NDOR1: variants seen among roughly 807,000 people sequenced by gnomAD.
NDOR1 encodes NADPH dependent diflavin oxidoreductase 1.
NDOR1 carries 61 observed loss-of-function variants against 67.2 expected under a neutral mutation model. The ratio of observed to expected loss-of-function variants is 0.91; its 90% confidence interval spans 0.74 to 1.12. The LOEUF (loss-of-function observed/expected upper bound fraction) is 1.12, where lower values mean the gene tolerates loss of function less well. Ranked by LOEUF, NDOR1 falls within the 50% of genes most tolerant of loss-of-function variation. The pLI is 0.00. For missense variants in NDOR1, 878 were observed against 802.8 expected (o/e 1.09, Z -1.13); for synonymous variants, 378 against 343.7 (o/e 1.10, Z -1.10).
Position 137,214,056 on chromosome 9 carries a change from C to T in NDOR1, c.500C>T (p.Pro167Leu), listed in dbSNP as rs1225894038. ...YPPPPGLTEIPPGVPLPSKFT... is the reference protein window; with the variant it reads ...YPPPPGLTEILPGVPLPSKFT... ...CCGCCTCCGGGCCTCACTGAGATCC[C>T]TCCCGGAGTCCCGTGAGTGTGGGCC... Residue 167 changes from proline (P) to leucine (L), a missense_variant, in exon 5 of 14, where the codon CCT (proline) becomes CTT (leucine). Pro to Leu is a moderately conservative substitution (Grantham distance 98, BLOSUM62 -3). Coordinates refer to ENST00000684003, the MANE Select transcript of NDOR1 (RefSeq NM_014434.4). The T allele has an allele frequency of 7.8e-6, 12 of 1,541,252 alleles. No homozygotes were observed. Among genetic ancestry groups the T allele is most frequent in the South Asian group, 1.2e-5 (1 of 84,224 alleles).
rs141644208 is a variant in NDOR1 at position 137,214,254 on chromosome 9, G to T, written c.563G>T (p.Gly188Val). Residue 188 changes from glycine (G) to valine (V), a missense_variant, in exon 6 of 14, where the codon GGC becomes GTC. Coordinates refer to ENST00000684003, the MANE Select transcript of NDOR1 (RefSeq NM_014434.4). ...TTCCTCCAAGAGGCACCCAGCACGG[G>T]CTCTGAGGGGCAGCGGGTAGCTCAC... ...LLFLQEAPST[G>V]SEGQRVAHPG... The T allele has an allele frequency of 5.9e-5, 95 of 1,613,236 alleles. No individual in the cohort carries two copies. The highest frequency in any genetic ancestry group is 3.0e-4 in the South Asian group (27 of 91,092).
chr9:137,213,864 C>G lies in NDOR1; in HGVS notation c.396C>G (p.Asp132Glu). 1 of 1,610,676 alleles carries G rather than the reference C, an allele frequency of 6.2e-7. No individual in the cohort carries two copies. Among genetic ancestry groups the G allele is most frequent in the Non-Finnish European group, 8.5e-7 (1 of 1,179,056 alleles). ...TCCTGCCCGTGTGCCTGGGCGATGA[C>G]CAGCATGAGCTGGGGTGAGTCTGCG... Reference protein sequence around the residue: ...SALLPVCLGDDQHELGPDAAV... With the variant: ...SALLPVCLGDEQHELGPDAAV... The change falls in exon 4 of 14, where the codon GAC becomes GAG. Residue 132 changes from aspartate (D) to glutamate (E), a missense_variant. Asp to Glu is a conservative substitution (Grantham distance 45). Coordinates refer to ENST00000684003, the MANE Select transcript of NDOR1 (RefSeq NM_014434.4).
Position 137,212,628 on chromosome 9 carries a change from C to G in NDOR1, c.311+29C>G. 1 of 1,586,458 alleles carries G rather than the reference C, an allele frequency of 6.3e-7. No homozygotes were observed. Among genetic ancestry groups the G allele is most frequent in the South Asian group, 1.1e-5 (1 of 90,532 alleles). Reference sequence around the variant, plus strand: ...AGTAGGGGATGGGACAGTGGGCGGACGGAACAGTTCTGGGGGTCGAGCAAC... The same window carrying G: ...AGTAGGGGATGGGACAGTGGGCGGAGGGAACAGTTCTGGGGGTCGAGCAAC... On this transcript the variant is annotated intron_variant, in intron 3 of 13. Transcript: ENST00000684003. This position sits in a 1 kb window ranked among gnomAD's most constrained non-coding sequence, Gnocchi z 4.3.
At position 137,214,661 on chromosome 9, in the gene NDOR1, C is replaced by A. The variant is rs772292364; in HGVS notation, c.814C>A (p.Gln272Lys). ...FCQVLGLDPDQLFMLQPREPD... is the reference protein window; with the variant it reads ...FCQVLGLDPDKLFMLQPREPD... Reference sequence around the variant, plus strand: ...CCAGGTGCTGGGCCTGGACCCTGACCAGCTCTTCATGCTGCAGCCGCGGGA... The same window carrying A: ...CCAGGTGCTGGGCCTGGACCCTGACAAGCTCTTCATGCTGCAGCCGCGGGA... Residue 272 changes from glutamine (Q) to lysine (K), a missense_variant, in exon 7 of 14, where the codon CAG (glutamine) becomes AAG (lysine). By Grantham distance (53) the Gln-to-Lys change is moderately conservative (BLOSUM62 1). Transcript: ENST00000684003. 29 of 1,606,676 alleles carry A rather than the reference C, an allele frequency of 1.8e-5. No individual in the cohort carries two copies. Among genetic ancestry groups the A allele is most frequent in the Non-Finnish European group, 2.5e-5 (29 of 1,179,938 alleles).
At chr9:137,210,540 A>G (rs1291237886) in intron 2 of NDOR1, among the ~76,000 whole-genome samples, 2 of 152,046 alleles carry the variant, frequency 1.3e-5, no homozygotes, top group Non-Finnish European at 2.9e-5. Flanking sequence ...ACATGAAAAA[A>G]CTTTAAAAGA....
In NDOR1 at chr9:137,218,002, G is replaced by A; in HGVS notation, c.*1586G>A. 3 of 399,196 alleles carry A rather than the reference G, an allele frequency of 7.5e-6. No homozygotes were observed. Among genetic ancestry groups the A allele is most frequent in the Non-Finnish European group, 1.3e-5 (3 of 226,480 alleles). The allele number at this position is 399,196 out of a possible 1,614,324, so 24.7% of individuals were successfully genotyped here. ...CCCTGCTGGGGGCCAAAGCCATGGA[G>A]GGTGCCTGGGCCCTTCCAACCTGGA... On this transcript the variant is annotated 3_prime_UTR_variant, in exon 14 of 14. Transcript: ENST00000684003.
At position 137,212,471 on chromosome 9, in the gene NDOR1, G is replaced by A. The variant is rs1460387814; in HGVS notation, c.214-31G>A. 6.3e-7 allele frequency: 1 copy of A among 1,589,744 alleles called. No individual in the cohort carries two copies. The highest frequency in any genetic ancestry group is 1.7e-5 in the Admixed American group (1 of 59,962). Reference sequence around the variant, plus strand: ...CTGTGGGGCTAGCCTAGAGGTCGAGGACTCTGACTCAGAGTTTCCTCCGGC... The same window carrying A: ...CTGTGGGGCTAGCCTAGAGGTCGAGAACTCTGACTCAGAGTTTCCTCCGGC... On this transcript the variant is annotated intron_variant, in intron 2 of 13. Transcript: ENST00000684003. The surrounding 1 kb of genome is among the most constrained non-coding windows in gnomAD (Gnocchi z 4.3).
intron 2 of NDOR1, among the ~76,000 whole-genome samples, chr9:137,208,882 G>A (rs1034155179): frequency 1.3e-5 from 2 of 151,634 alleles, no homozygotes; most frequent in Non-Finnish European, 2.9e-5. Context: ...TGTTGTTGTT[G>A]TTGTTGGTTT....
At position 137,216,582 on chromosome 9, in the gene NDOR1, TC is replaced by T; in HGVS notation, c.*169del. The T allele has an allele frequency of 1.1e-6, 1 of 917,638 alleles. No homozygotes were observed. Among genetic ancestry groups the T allele is most frequent in the Non-Finnish European group, 1.6e-6 (1 of 627,118 alleles). 56.8% of individuals were successfully genotyped at this position (917,638 alleles called of 1,614,324 possible). ...CAGCCGCACTCCTGTTGACCCTGGA[TC>T]CCACCCTTTGAGCCTGACCCCACTG... On this transcript the variant is annotated 3_prime_UTR_variant, in exon 14 of 14. Transcript: ENST00000684003.
rs1834928472 is a variant in NDOR1 at position 137,205,783 on chromosome 9, G to A, written c.6G>A (p.Pro2=). The change falls in exon 1 of 14, where the codon CCG becomes CCA. Residue 2 remains proline (P), a synonymous_variant. Coordinates refer to ENST00000684003, the MANE Select transcript of NDOR1 (RefSeq NM_014434.4). ...AGACCACCGGGCGCACCCCGATGCC[G>A]AGCCCGCAGCTTCTGGTGCTCTTCG... The part of the protein sequence containing the change: M[P]SPQLLVLFGS... The A allele has an allele frequency of 1.2e-6, 2 of 1,603,840 alleles. No individual in the cohort carries two copies. Among genetic ancestry groups the A allele is most frequent in the African/African-American group, 1.3e-5 (1 of 74,922 alleles).
Position 137,205,850 on chromosome 9 carries a change from G to A in NDOR1, c.73G>A (p.Gly25Ser), listed in dbSNP as rs367940263. Reference sequence around the variant, plus strand: ...GGCTCAGGATGTGTCGGAGAGACTGGGTCGCGAGGCCCGGCGCCGGCGGCT... The same window carrying A: ...GGCTCAGGATGTGTCGGAGAGACTGAGTCGCGAGGCCCGGCGCCGGCGGCT... ...GTAQDVSERLGREARRRRLGC... is the reference protein window; with the variant it reads ...GTAQDVSERLSREARRRRLGC... The change falls in exon 1 of 14, where the codon GGT (glycine) becomes AGT (serine). Residue 25 changes from glycine (G) to serine (S), a missense_variant. By Grantham distance (56) the Gly-to-Ser change is moderately conservative (BLOSUM62 0). Transcript: ENST00000684003. The A allele has an allele frequency of 2.6e-5, 41 of 1,603,098 alleles. No homozygotes were observed. The highest frequency in any genetic ancestry group is 3.0e-5 in the Non-Finnish European group (35 of 1,178,872).
rs200272893 is a variant in NDOR1, at chr9:137,205,887, T to A, written c.110T>A (p.Val37Glu). ...EARRRRLGCR[V>E]QALDSYPVVN... ...CGGCGCCGGCGGCTTGGCTGCCGGG[T>A]GCAGGCCCTGGACTCCTACCCGGTG... The change falls in exon 1 of 14, where the codon GTG becomes GAG. Residue 37 changes from valine to glutamate, a missense_variant. By Grantham distance (121) the Val-to-Glu change is moderately radical (BLOSUM62 -2). Transcript: ENST00000684003. 11 of 1,597,236 alleles carry A rather than the reference T, an allele frequency of 6.9e-6. No homozygotes were observed. The Admixed American group carries it at 8.4e-5, about 12-fold the overall frequency.
chr9:137,218,537 C>T lies in NDOR1; in HGVS notation c.*2121C>T. 1 of 401,406 alleles carries T rather than the reference C, an allele frequency of 2.5e-6. No individual in the cohort carries two copies. Among genetic ancestry groups the T allele is most frequent in the Non-Finnish European group, 4.4e-6 (1 of 228,336 alleles). The allele number at this position is 401,406 out of a possible 1,614,324, so 24.9% of individuals were successfully genotyped here. A position where few individuals can be genotyped will look rare whatever the true frequency, so the allele number is the denominator to read the frequency against. Reference sequence around the variant, plus strand: ...GGCCCTTGAGCTTCTGGGGCTGCTGCTGGTCTTCACGCCGCTCCTGCTGCT... The same window carrying T: ...GGCCCTTGAGCTTCTGGGGCTGCTGTTGGTCTTCACGCCGCTCCTGCTGCT... On this transcript the variant is annotated 3_prime_UTR_variant, in exon 14 of 14. Coordinates refer to ENST00000684003, the MANE Select transcript of NDOR1 (RefSeq NM_014434.4).
intron 3 of NDOR1, among the ~76,000 whole-genome samples, chr9:137,213,226 A>G (rs901634914): frequency 2.0e-5 from 3 of 152,186 alleles, no homozygotes; most frequent in Non-Finnish European, 2.9e-5. Context: ...TCCGTGCATG[A>G]CGTTGTTTCC....
At position 137,214,593 on chromosome 9, in the gene NDOR1, T is replaced by C; in HGVS notation, c.746T>C (p.Leu249Pro). The change falls in exon 7 of 14, where the codon CTG (leucine) becomes CCG (proline). Residue 249 changes from leucine (L) to proline (P), a missense_variant. Transcript: ENST00000684003. ...GISFAAGDVV[L>P]IQPSNSAAHV... The stretch of plus-strand genomic sequence containing the variant: ...AGCTTTGCTGCTGGTGATGTGGTGC[T>C]GATTCAGCCCTCCAACTCGGCTGCC... The C allele has an allele frequency of 6.2e-7, 1 of 1,611,474 alleles. No homozygotes were observed. The highest frequency in any genetic ancestry group is 8.5e-7 in the Non-Finnish European group (1 of 1,179,932).
chr9:137,211,668 T>C (rs1191303637), intron 2 of NDOR1, among the ~76,000 whole-genome samples: 1 of 151,624 alleles, frequency 6.6e-6, no homozygotes, highest in East Asian at 1.9e-4. Context: ...TCGCATAGCG[T>C]GGCCCAGAGA....
intron 9 of NDOR1, 65 bp from the exon 10 acceptor site, chr9:137,215,341 GC>G: frequency 6.4e-7 from 1 of 1,568,152 alleles, no homozygotes; most frequent in Non-Finnish European, 8.8e-7. Flanking sequence ...GGTAGGTGGG[GC>G]CCACGGCCCA....
rs1189820163 is a variant in NDOR1, at chr9:137,216,400, CAG to C, written c.1782_1783del (p.Glu594AspfsTer57). 5.0e-6 allele frequency: 8 copies of C among 1,604,928 alleles called. No individual in the cohort carries two copies. Among genetic ancestry groups the C allele is most frequent in the Non-Finnish European group, 6.8e-6 (8 of 1,179,510 alleles). On this transcript the variant is annotated frameshift_variant, in exon 14 of 14. Transcript: ENST00000684003. LOFTEE classifies it high-confidence loss of function. ...CTCCAGCAGACACGGCGCTTCCAGA[CAG>C]AGACGTGGGCCTGAGGCCCGCGGCT...
chr9:137,210,766 G>C (rs1015596839), intron 2 of NDOR1, among the ~76,000 whole-genome samples: 1 of 152,130 alleles, frequency 6.6e-6, no homozygotes, highest in East Asian at 1.9e-4. Flanking sequence ...AGGATCGCTT[G>C]AGCCCAGAAG....
Sources: gnomAD v4.1 joint callset for allele counts (sites outside exome capture counted in the v4.1 genomes callset) on GRCh38, gnomAD v4.1.1 for gene constraint, Gnocchi (gnomAD v3.1) non-coding constraint, MANE v1.5 for transcripts, NCBI Gene and HGNC (gene_info 2026-07-23, HGNC 2026-07-21) for gene names.